The following HIP1 variants were observed in gnomAD, a reference collection of about 807,000 sequenced individuals.
HIP1 encodes huntingtin interacting protein 1, also known as huntingtin-interacting protein 1.
In HIP1, 65 loss-of-function variants were observed where a neutral mutation model predicts 147.6. The ratio of observed to expected loss-of-function variants is 0.44; its 90% CI spans 0.36 to 0.54. The LOEUF (loss-of-function observed/expected upper bound fraction) is 0.54. Among genes scored for constraint, HIP1 ranks in the 20% least tolerant of loss-of-function variants. The pLI is 0.00. For synonymous variants in HIP1, 479 were observed against 504.0 expected, an observed-to-expected ratio of 0.95 and a Z score of 0.67; for missense variants, 1,061 against 1,299.6, an observed-to-expected ratio of 0.82 and a Z score of 2.82.
At chr7:75,641,145 A>C (rs777991721) in intron 1 of HIP1, among the ~76,000 whole-genome samples, 16 of 152,008 alleles carry the variant, frequency 1.1e-4, no homozygotes, top group Admixed American at 2.0e-4. Flanking sequence ...GTCTCTACTA[A>C]AAATACAAAA....
chr7:75,615,673 T>C (rs782808729), intron 1 of HIP1, among the ~76,000 whole-genome samples: 8 of 152,056 alleles, frequency 5.3e-5, no homozygotes, highest in East Asian at 1.9e-4. Flanking sequence ...CTTTAGGAGA[T>C]TGAGGTGGAG....
At chr7:75,706,741 C>A (rs1275660134) in intron 1 of HIP1, among the ~76,000 whole-genome samples, 15 of 110,116 alleles carry the variant, frequency 1.4e-4, no homozygotes, top group African/African-American at 5.2e-4. Context: ...ACTAATGTGT[C>A]ATCTAGCATT....
At chr7:75,583,024 C>T (rs1479512447) in intron 5 of HIP1, among the ~76,000 whole-genome samples, 2 of 152,108 alleles carry the variant, frequency 1.3e-5, no homozygotes, top group African/African-American at 4.8e-5. Flanking sequence ...CATCCCTGCC[C>T]AGACCTCCCC....
intron 1 of HIP1, among the ~76,000 whole-genome samples, chr7:75,721,147 C>T (rs1289563186): frequency 2.1e-4 from 32 of 151,694 alleles, no homozygotes; most frequent in African/African-American, 7.3e-4. Context: ...GAGGCCAAAG[C>T]GGGTGGATCA....
At chr7:75,584,266 A>G (rs1796171190) in intron 5 of HIP1, among the ~76,000 whole-genome samples, 1 of 150,326 alleles carries the variant, frequency 6.7e-6, no homozygotes, top group Admixed American at 6.6e-5. Flanking sequence ...GCCTGGCCAA[A>G]AAAAATTTTT....
rs1563303161 is a variant in HIP1 at position 75,703,609 on chromosome 7, AAAAAC to A, written c.120+35187_120+35191del. Among the ~76,000 whole-genome samples the A allele has an allele frequency of 5.9e-5, 9 of 152,242 alleles. 1 individual carries two copies. In the South Asian group the frequency reaches 1.9e-3, roughly 32 times the overall value. On this transcript the variant is annotated intron_variant, in intron 1 of 30. Coordinates refer to ENST00000336926, the MANE Select transcript of HIP1 (RefSeq NM_005338.7). ...AAGAGCGAAACTCCGTCTCAAAAAA[AAAAAC>A]AAAACAAAACAACACACACAAAACA...
At chr7:75,692,806 A>G (rs563601952) in intron 1 of HIP1, among the ~76,000 whole-genome samples, 1 of 152,132 alleles carries the variant, frequency 6.6e-6, no homozygotes, top group Non-Finnish European at 1.5e-5. Flanking sequence ...ATATCCTATC[A>G]TCTCTCTTCC....
At chr7:75,604,424 A>G (rs1797138318) in intron 1 of HIP1, among the ~76,000 whole-genome samples, 1 of 152,300 alleles carries the variant, frequency 6.6e-6, no homozygotes, top group Admixed American at 6.5e-5. Context: ...CTGTAATCCC[A>G]GTACCTTAGG....
chr7:75,675,342 G>A (rs2696207), intron 1 of HIP1, among the ~76,000 whole-genome samples: 106,128 of 151,844 alleles, frequency 0.7, 37,412 homozygotes, highest in African/African-American at 0.78. Flanking sequence ...CTGGGATTAC[G>A]GGCACACACC....
At chr7:75,606,994 T>C (rs1273349756) in intron 1 of HIP1, among the ~76,000 whole-genome samples, 3 of 151,536 alleles carry the variant, frequency 2.0e-5, no homozygotes, top group African/African-American at 7.3e-5. Flanking sequence ...CTTTGGGAGG[T>C]TGAGGCTGGA....
Position 75,541,931 on chromosome 7 carries a change from C to T in HIP1, c.2940G>A (p.Glu980=). 1 of 1,613,280 alleles carries T rather than the reference C, an allele frequency of 6.2e-7. No individual in the cohort carries two copies. The highest frequency in any genetic ancestry group is 8.5e-7 in the Non-Finnish European group (1 of 1,179,224). ...SMTLTQIKRQ[E]MDSQVRVLEL... ...ATGGAGCTCTCACCTGAGAATCCAT[C>T]TCTTGGCGTTTGATCTGTGTCAGCG... Residue 980 remains glutamate, a synonymous_variant, in exon 29 of 31, where the codon GAG becomes GAA. Transcript: ENST00000336926.
At chr7:75,622,464 T>G in intron 1 of HIP1, among the ~76,000 whole-genome samples, 2 of 148,478 alleles carry the variant, frequency 1.3e-5, no homozygotes, top group Admixed American at 6.7e-5. Context: ...ACTTTGGGAG[T>G]CCAAGGAAGG....
At chr7:75,624,662 A>C (rs1797971550) in intron 1 of HIP1, among the ~76,000 whole-genome samples, 2 of 152,066 alleles carry the variant, frequency 1.3e-5, no homozygotes, top group Non-Finnish European at 2.9e-5. Flanking sequence ...CTGGCCTGGC[A>C]CTCAAGGCCT....
At chr7:75,597,067 A>G (rs1238380662) in intron 2 of HIP1, among the ~76,000 whole-genome samples, 1 of 152,136 alleles carries the variant, frequency 6.6e-6, no homozygotes, top group African/African-American at 2.4e-5. Context: ...GAATCATCGC[A>G]AGGGTACCAA....
chr7:75,611,640 G>A (rs781920724), intron 1 of HIP1: 4 of 1,016,058 alleles, frequency 3.9e-6, no homozygotes, highest in Non-Finnish European at 3.5e-6. Context: ...CACCAAGGGC[G>A]GGCAGTGCGG....
intron 1 of HIP1, among the ~76,000 whole-genome samples, chr7:75,663,145 C>T (rs532769256): frequency 6.6e-6 from 1 of 152,108 alleles, no homozygotes; most frequent in South Asian, 2.1e-4. Context: ...GTACAACGAC[C>T]AAGAAAACAT....
rs534445234 is a variant in HIP1 at position 75,726,957 on chromosome 7, G to A, written c.120+11844C>T. On this transcript the variant is annotated intron_variant, in intron 1 of 30. Transcript: ENST00000336926. ...CTCCCAAAGTGCTGAGATTACAGGT[G>A]TGAGCCATTGTGCCTGGCCAGTACC... Among the ~76,000 whole-genome samples, 41 of 151,168 alleles carry A rather than the reference G, an allele frequency of 2.7e-4. 1 individual carries two copies. Among genetic ancestry groups the A allele is most frequent in the African/African-American group, 1.0e-3 (41 of 41,188 alleles).
chr7:75,709,759 T>C (rs1350896954), intron 1 of HIP1, among the ~76,000 whole-genome samples: 1 of 152,244 alleles, frequency 6.6e-6, no homozygotes, highest in African/African-American at 2.4e-5. Flanking sequence ...GTAATGTTCC[T>C]GGATCTTAGA....
chr7:75,616,594 GGAGGAGGAGGAGGAGGAGGAA>G (rs1563248001), intron 1 of HIP1, among the ~76,000 whole-genome samples: 2 of 138,344 alleles, frequency 1.4e-5, no homozygotes, highest in African/African-American at 5.0e-5. Context: ...GGGAGGAGGA[GGAGGAGGAGGAGGAGGAGGAA>G]GAGGAGGAGG....
Sources: gnomAD v4.1 joint callset for allele counts (sites outside exome capture counted in the v4.1 genomes callset) on GRCh38, gnomAD v4.1.1 for gene constraint, MANE v1.5 for transcripts, NCBI Gene and HGNC (gene_info 2026-07-23, HGNC 2026-07-21) for gene names.